LINGO1: variants seen among roughly 807,000 people sequenced by gnomAD.
LINGO1 encodes leucine rich repeat and Ig domain containing 1.
A neutral mutation model predicts 37.3 loss-of-function variants in LINGO1; 11 were observed. That is an observed-to-expected ratio of 0.29 (90% CI 0.19 to 0.49). LINGO1 has a LOEUF of 0.49. Among genes scored for constraint, LINGO1 ranks in the 20% least tolerant of loss-of-function variants. The pLI is 0.99. For missense variants in LINGO1, 585 were observed against 878.2 expected (o/e 0.67, Z 4.22); for synonymous variants, 387 against 403.0 (o/e 0.96, Z 0.48).
At chr15:77,770,971 G>A (rs918679163) in intron 1 of LINGO1, among the ~76,000 whole-genome samples, 2 of 152,240 alleles carry the variant, frequency 1.3e-5, no homozygotes, top group African/African-American at 4.8e-5. Context: ...CCTTCTCGGG[G>A]CTCAAATCAC....
intron 1 of LINGO1, among the ~76,000 whole-genome samples, chr15:77,769,186 G>A (rs2076559389): frequency 6.6e-6 from 1 of 152,260 alleles, no homozygotes; most frequent in Non-Finnish European, 1.5e-5. Context: ...GGCCCAGGGT[G>A]GGAAGCCCCC....
intron 3 of LINGO1, among the ~76,000 whole-genome samples, chr15:77,658,021 G>A (rs771256847): frequency 2.6e-5 from 4 of 152,194 alleles, no homozygotes; most frequent in Non-Finnish European, 2.9e-5. Flanking sequence ...TGGGAGGGGA[G>A]TGGGGCTTGG....
chr15:77,664,170 T>TGTGTGTGTGTGCGC lies in LINGO1; in HGVS notation c.-13+12918_-13+12919insGCGCACACACACAC. ...GTGTGTGTGTGTGTGTGTGTGTGTG[T>TGTGTGTGTGTGCGC]GCGCGCGCGCATGCGTTTGCATTCT... On this transcript the variant is annotated intron_variant, in intron 3 of 3. Coordinates refer to the LINGO1 transcript ENST00000559893. Among the ~76,000 whole-genome samples, 16 of 131,010 alleles carry TGTGTGTGTGTGCGC rather than the reference T, an allele frequency of 1.2e-4. No individual in the cohort carries two copies. In the East Asian group the frequency reaches 1.4e-3, roughly 12 times the overall value. The allele number at this position is 131,010 out of a possible 152,430, so 85.9% of individuals were successfully genotyped here. A position where few individuals can be genotyped will look rare whatever the true frequency, so the allele number is the denominator to read the frequency against.
At chr15:77,637,117 C>T (rs1009310542), upstream of LINGO1, among the ~76,000 whole-genome samples, 4 of 152,196 alleles carry the variant, frequency 2.6e-5, no homozygotes, top group Non-Finnish European at 5.9e-5. The surrounding 1 kb of genome is among the most constrained non-coding windows in gnomAD (Gnocchi z 4.6). Flanking sequence ...GAAAGTCCCT[C>T]ATCCAGTGCT....
intron 3 of LINGO1, among the ~76,000 whole-genome samples, chr15:77,663,250 G>A (rs1452621437): frequency 2.0e-5 from 3 of 152,224 alleles, no homozygotes; most frequent in Admixed American, 6.5e-5. Flanking sequence ...GTGCGAGGGC[G>A]GAAGAAGAAA....
Position 77,671,783 on chromosome 15 carries a change from T to C in LINGO1, c.-13+5306A>G, listed in dbSNP as rs146571578. 5.2e-3 allele frequency among the ~76,000 whole-genome samples: 788 copies of C among 152,192 alleles called. 8 individuals are homozygous for C. Among genetic ancestry groups the C allele is most frequent in the African/African-American group, 0.018 (759 of 41,518 alleles). On this transcript the variant is annotated intron_variant, in intron 3 of 3. Transcript: ENST00000559893. ...CTTCTGACTGTGGTTACAGACTGAG[T>C]CTTGACCCTGGCAGGGTGGACTGGC...
chr15:77,723,099 G>A lies in LINGO1; in HGVS notation c.-195+11893C>T, dbSNP rs968394309. 9.2e-5 allele frequency among the ~76,000 whole-genome samples: 14 copies of A among 152,214 alleles called. No individual in the cohort carries two copies. The East Asian group carries it at 1.2e-3, about 13-fold the overall frequency. ...TCTGAGCTCTAGTTTTCTGTCTGTC[G>A]TTAAAATGGGGATGGTAACAACATC... On this transcript the variant is annotated intron_variant, in intron 2 of 3. Coordinates refer to the LINGO1 transcript ENST00000561686.
chr15:77,633,762 G>A (rs1453432672), upstream of LINGO1, among the ~76,000 whole-genome samples: 1 of 152,202 alleles, frequency 6.6e-6, no homozygotes, highest in Non-Finnish European at 1.5e-5. Flanking sequence ...AACTTCAGAC[G>A]GGCCCAAGGA....
intron 3 of LINGO1, among the ~76,000 whole-genome samples, chr15:77,643,046 ACTCT>A (rs2074545417): frequency 6.6e-6 from 1 of 151,880 alleles, no homozygotes. Context: ...CACACAGCGC[ACTCT>A]CTGACAGCCA....
At chr15:77,735,913 G>A (rs1321082063) in intron 1 of LINGO1, among the ~76,000 whole-genome samples, 1 of 152,222 alleles carries the variant, frequency 6.6e-6, no homozygotes, top group Non-Finnish European at 1.5e-5. Flanking sequence ...GTGGAAATGT[G>A]GTTTCTGAAC....
At chr15:77,782,919 CTCAGCAGGGCGGCTA>C (rs2076734629) in intron 1 of LINGO1, among the ~76,000 whole-genome samples, 1 of 152,144 alleles carries the variant, frequency 6.6e-6, no homozygotes, top group African/African-American at 2.4e-5. Context: ...CCCCCTGCTC[CTCAGCAGGGCGGCTA>C]AGGCTGTTTC....
intron 2 of LINGO1, among the ~76,000 whole-genome samples, chr15:77,683,081 A>G (rs1274976735): frequency 6.6e-6 from 1 of 152,264 alleles, no homozygotes; most frequent in Non-Finnish European, 1.5e-5. Flanking sequence ...GGACGTGAAC[A>G]GTCCATTCAC....
At chr15:77,747,584 T>G (rs536542225) in intron 1 of LINGO1, among the ~76,000 whole-genome samples, 60 of 152,156 alleles carry the variant, frequency 3.9e-4, no homozygotes, top group Admixed American at 9.2e-4. Flanking sequence ...GTGAGCACAC[T>G]CAGAACAGAT....
chr15:77,649,283 T>C (rs1596046575), intron 3 of LINGO1: 1 of 152,372 alleles, frequency 6.6e-6, no homozygotes, highest in East Asian at 1.9e-4. Flanking sequence ...AGTAAACATG[T>C]TGGGTGGTGA....
rs189803200 is a variant in LINGO1, at chr15:77,704,027, T to G, written c.-194-13126A>C. 3.3e-4 allele frequency among the ~76,000 whole-genome samples: 50 copies of G among 152,324 alleles called. No individual in the cohort carries two copies. The East Asian group carries it at 9.5e-3, about 29-fold the overall frequency. On this transcript the variant is annotated intron_variant, in intron 2 of 3. Coordinates refer to the LINGO1 transcript ENST00000561686. ...GGAGTTTGAGTCCGGGCTCTCCCAC[T>G]TAACTAGCTGTGACCTCAGAAAGAC...
At chr15:77,623,999 G>A (rs2074010457) in intron 1 of LINGO1, among the ~76,000 whole-genome samples, 1 of 150,526 alleles carries the variant, frequency 6.6e-6, no homozygotes, top group African/African-American at 2.4e-5. Flanking sequence ...ATGTGTGTGA[G>A]TGGCCTTTGT....
chr15:77,671,430 G>T (rs1426296632), intron 3 of LINGO1, among the ~76,000 whole-genome samples: 1 of 152,222 alleles, frequency 6.6e-6, no homozygotes, highest in South Asian at 2.1e-4. Context: ...AGGGTCCCAG[G>T]AAGGCTAAGC....
chr15:77,739,818 G>GTGGCTGGGA (rs1289912435), intron 1 of LINGO1, among the ~76,000 whole-genome samples: 1 of 152,246 alleles, frequency 6.6e-6, no homozygotes, highest in Non-Finnish European at 1.5e-5. Flanking sequence ...GAGCACAGCG[G>GTGGCTGGGA]TGGCTGGGAT....
chr15:77,768,972 C>T (rs908296635), intron 1 of LINGO1, among the ~76,000 whole-genome samples: 1 of 152,238 alleles, frequency 6.6e-6, no homozygotes, highest in African/African-American at 2.4e-5. Context: ...GCCCTGTCCC[C>T]TCCATAGAAC....
Sources: allele counts gnomAD v4.1 joint callset (sites outside exome capture counted in the v4.1 genomes callset), GRCh38; gene constraint gnomAD v4.1.1; non-coding constraint Gnocchi (gnomAD v3.1); transcripts MANE v1.5; gene names NCBI Gene and HGNC (gene_info 2026-07-23, HGNC 2026-07-21).